OPCML: variants seen among roughly 807,000 people sequenced by gnomAD.
OPCML encodes opioid binding protein/cell adhesion molecule like.
OPCML carries 13 observed loss-of-function variants against 37.8 expected under a neutral mutation model. The observed-to-expected ratio is 0.34, with a 90% CI of 0.22 to 0.55. OPCML has a LOEUF of 0.55. Ranked by LOEUF, OPCML falls within the 20% of genes least tolerant of loss-of-function variation. The probability of loss-of-function intolerance (pLI) is 0.91; values close to 1 mark genes in which losing one functional copy is unlikely to be tolerated. For synonymous variants in OPCML, 176 were observed against 168.8 expected, an observed-to-expected ratio of 1.04 and a Z score of -0.33; for missense variants, 341 against 435.6, an observed-to-expected ratio of 0.78 and a Z score of 1.93.
intron 1 of OPCML, among the ~76,000 whole-genome samples, chr11:133,292,037 G>A (rs565108374): frequency 5.9e-5 from 9 of 152,306 alleles, no homozygotes; most frequent in South Asian, 2.1e-4. Context: ...CAATATGGCC[G>A]TCGGTGAAGC....
chr11:132,550,996 A>G (rs1298243325), intron 3 of OPCML, among the ~76,000 whole-genome samples: 1 of 152,240 alleles, frequency 6.6e-6, no homozygotes, highest in African/African-American at 2.4e-5. Context: ...TGGCTCATTT[A>G]CAAATCAGTA....
At chr11:132,990,793 T>C (rs1184142342) in intron 1 of OPCML, among the ~76,000 whole-genome samples, 1 of 152,240 alleles carries the variant, frequency 6.6e-6, no homozygotes. Flanking sequence ...CGAGTCTCTC[T>C]TGCCTGTATC....
At chr11:133,209,730 A>G (rs1939273977) in intron 1 of OPCML, among the ~76,000 whole-genome samples, 1 of 152,226 alleles carries the variant, frequency 6.6e-6, no homozygotes, top group Non-Finnish European at 1.5e-5. Flanking sequence ...TGGATGAATG[A>G]ATGAATAAAC....
chr11:132,651,273 C>T (rs1471360991), intron 3 of OPCML, among the ~76,000 whole-genome samples: 1 of 152,194 alleles, frequency 6.6e-6, no homozygotes. Flanking sequence ...GCCACTTCCT[C>T]GCTAGTGTAA....
intron 1 of OPCML, among the ~76,000 whole-genome samples, chr11:133,221,714 G>A (rs576940556): frequency 4.6e-5 from 7 of 152,302 alleles, no homozygotes; most frequent in African/African-American, 7.2e-5. Context: ...CTGAGCGAGT[G>A]TGACTGCAGA....
intron 2 of OPCML, among the ~76,000 whole-genome samples, chr11:132,930,327 A>G (rs571788615): frequency 6.6e-6 from 1 of 152,214 alleles, no homozygotes; most frequent in East Asian, 1.9e-4. Flanking sequence ...TTGTGTCACT[A>G]CACTCCAGCC....
intron 1 of OPCML, among the ~76,000 whole-genome samples, chr11:133,038,653 G>T (rs1209524636): frequency 2.0e-5 from 3 of 152,216 alleles, no homozygotes; most frequent in East Asian, 3.9e-4. Flanking sequence ...GCACAGAGAG[G>T]TTAAGTACAT....
chr11:133,264,979 T>C (rs899821698), intron 1 of OPCML, among the ~76,000 whole-genome samples: 1 of 152,110 alleles, frequency 6.6e-6, no homozygotes, highest in Non-Finnish European at 1.5e-5. Flanking sequence ...AGGTAAAGCT[T>C]GGAGATTTTA....
At chr11:132,887,867 A>C (rs1943483745) in intron 2 of OPCML, among the ~76,000 whole-genome samples, 1 of 152,192 alleles carries the variant, frequency 6.6e-6, no homozygotes, top group Non-Finnish European at 1.5e-5. Flanking sequence ...GTGCCATGTG[A>C]AATATATTTC....
intron 4 of OPCML, among the ~76,000 whole-genome samples, chr11:132,497,001 T>C (rs2096233303): frequency 1.3e-5 from 2 of 152,158 alleles, no homozygotes; most frequent in Non-Finnish European, 2.9e-5. Context: ...TGTGTGTCAG[T>C]ATGTCTCTGT....
intron 1 of OPCML, among the ~76,000 whole-genome samples, chr11:133,218,720 G>A (rs555448949): frequency 2.0e-5 from 3 of 152,258 alleles, no homozygotes; most frequent in South Asian, 2.1e-4. Flanking sequence ...GGTGTGATTA[G>A]GATTATCCCA....
intron 1 of OPCML, 135 bp downstream of exon 1, chr11:133,532,129 T>G (rs1320539685): frequency 1.4e-6 from 2 of 1,410,320 alleles, no homozygotes; most frequent in African/African-American, 2.8e-5. Flanking sequence ...CAAGCCTACC[T>G]CTTTCACTCA....
At chr11:132,834,967 C>G (rs1346483308) in intron 2 of OPCML, among the ~76,000 whole-genome samples, 1 of 146,150 alleles carries the variant, frequency 6.8e-6, no homozygotes, top group Non-Finnish European at 1.5e-5. Context: ...AAGGCTAAGT[C>G]CCCCGGGTGG....
Position 133,440,784 on chromosome 11 carries a change from G to C in OPCML, c.61+91480C>G, listed in dbSNP as rs765605991. 9.0e-3 allele frequency among the ~76,000 whole-genome samples: 667 copies of C among 74,294 alleles called. 1 individual carries two copies. Among genetic ancestry groups the C allele is most frequent in the African/African-American group, 0.02 (114 of 5,646 alleles). 48.7% of individuals were successfully genotyped at this position (74,294 alleles called of 152,430 possible). ...CAATTATATATATATATATATATCT[G>C]TGTGTGTGTGTGTGTGTGAGTGTGT... On this transcript the variant is annotated intron_variant, in intron 1 of 7. Transcript: ENST00000524381.
intron 3 of OPCML, among the ~76,000 whole-genome samples, chr11:132,588,229 G>C (rs1425558696): frequency 6.6e-6 from 1 of 152,070 alleles, no homozygotes; most frequent in African/African-American, 2.4e-5. Context: ...GGCAGCTTTT[G>C]ATGTCCCATG....
intron 1 of OPCML, among the ~76,000 whole-genome samples, chr11:133,015,471 GGAAGGAAT>G (rs1160489519): frequency 2.0e-5 from 3 of 148,742 alleles, no homozygotes; most frequent in African/African-American, 7.5e-5. Flanking sequence ...AAGGAAGGAA[GGAAGGAAT>G]GAAGGAAGGA....
chr11:133,477,603 T>C (rs2137019124), intron 1 of OPCML, among the ~76,000 whole-genome samples: 1 of 152,292 alleles, frequency 6.6e-6, no homozygotes, highest in East Asian at 1.9e-4. Context: ...TTTTCTACAC[T>C]GTCCACAGTA....
At chr11:133,289,308 A>G (rs146295932) in intron 1 of OPCML, among the ~76,000 whole-genome samples, 53 of 152,320 alleles carry the variant, frequency 3.5e-4, no homozygotes, top group African/African-American at 1.3e-3. Context: ...AAATTGACAT[A>G]TTAGTGGCCG....
chr11:132,668,474 C>T (rs143925500), intron 2 of OPCML, among the ~76,000 whole-genome samples: 1,598 of 152,208 alleles, frequency 0.01, 24 homozygotes, highest in Non-Finnish European at 0.016. Context: ...AACGTATTTT[C>T]CTCATGGCAT....
Sources: allele counts gnomAD v4.1 joint callset (sites outside exome capture counted in the v4.1 genomes callset), GRCh38; gene constraint gnomAD v4.1.1; transcripts MANE v1.5; gene names NCBI Gene and HGNC (gene_info 2026-07-23, HGNC 2026-07-21).